LNX2: variants seen among roughly 807,000 people sequenced by gnomAD.
LNX2 encodes ligand of Numb protein X 2.
A neutral mutation model predicts 66.2 loss-of-function variants in LNX2; 35 were observed. That is an observed-to-expected ratio of 0.53 (90% confidence interval 0.40 to 0.70). The LOEUF is 0.70. LNX2 is among the 30% of genes least tolerant of loss of function. The pLI, the probability that LNX2 is intolerant of heterozygous loss-of-function variation, is 0.00. For missense variants in LNX2, 791 were observed against 850.8 expected (o/e 0.93, Z 0.87); for synonymous variants, 337 against 315.6 (o/e 1.07, Z -0.72).
At position 27,569,271 on chromosome 13, in the gene LNX2, G is replaced by C. The variant is rs376381168; in HGVS notation, c.413C>G (p.Pro138Arg). ...GGCAACTCTCCGATGAGAAGCTCCAGGACATCTAGAAAAAGAATATCAGAT... is the reference window on the plus strand; with the variant it reads ...GGCAACTCTCCGATGAGAAGCTCCACGACATCTAGAAAAAGAATATCAGAT... ...DLEAHLKNRCPGASHRRVALE... is the reference protein window; with the variant it reads ...DLEAHLKNRCRGASHRRVALE... Residue 138 changes from proline to arginine, a missense_variant, in exon 3 of 10, where the codon CCT (proline) becomes CGT (arginine). Transcript: ENST00000316334. 29 of 1,608,050 alleles carry C rather than the reference G, an allele frequency of 1.8e-5. No homozygotes were observed. The East Asian group carries it at 4.0e-4, about 22-fold the overall frequency.
At chr13:27,589,326 T>C (rs1298646821) in intron 1 of LNX2, among the ~76,000 whole-genome samples, 1 of 152,214 alleles carries the variant, frequency 6.6e-6, no homozygotes. Context: ...AACTACTGGC[T>C]ATAACTATAA....
intron 1 of LNX2, among the ~76,000 whole-genome samples, chr13:27,614,314 G>A (rs1385408152): frequency 6.6e-6 from 1 of 152,124 alleles, no homozygotes; most frequent in African/African-American, 2.4e-5. Flanking sequence ...CATCACTACT[G>A]GAGAAACTAA....
rs114196629 is a variant in LNX2, at chr13:27,567,341, A to G, written c.855+299T>C. Among the ~76,000 whole-genome samples, 908 of 152,188 alleles carry G rather than the reference A, an allele frequency of 6.0e-3. 3 individuals carry two copies. The highest frequency in any genetic ancestry group is 0.017 in the African/African-American group (709 of 41,534). On this transcript the variant is annotated intron_variant, in intron 4 of 9. Transcript: ENST00000316334. ...AAGGTGACCCTTGAACAGTCATTCA[A>G]GAAGTCCAAGCAGGAAGAGGCTAGT...
rs918636253 is a variant in LNX2 at position 27,581,374 on chromosome 13, T to C, written c.330A>G (p.Leu110=). ...SILVHKLLDK[L]LVLCPFSSVC... Reference sequence around the variant, plus strand: ...CTGAAGAAAATGGACATAAAACTAATAATTTGTCTAGGAGTTTATGAACTA... The same window carrying C: ...CTGAAGAAAATGGACATAAAACTAACAATTTGTCTAGGAGTTTATGAACTA... The change falls in exon 2 of 10, where the codon TTA becomes TTG. Residue 110 remains leucine (L), a synonymous_variant. Transcript: ENST00000316334. 9 of 1,581,014 alleles carry C rather than the reference T, an allele frequency of 5.7e-6. No homozygotes were observed. Among genetic ancestry groups the C allele is most frequent in the Admixed American group, 3.6e-5 (2 of 56,060 alleles).
intron 1 of LNX2, among the ~76,000 whole-genome samples, chr13:27,611,880 G>A (rs1955777785): frequency 6.6e-6 from 1 of 152,212 alleles, no homozygotes; most frequent in African/African-American, 2.4e-5. Flanking sequence ...TGGGGTCAAT[G>A]GAACTGTGTT....
At position 27,548,570 on chromosome 13, in the gene LNX2, C is replaced by T. The variant is rs150492420; in HGVS notation, c.1938-100G>A. On this transcript the variant is annotated intron_variant, in intron 9 of 9. Coordinates refer to ENST00000316334, the MANE Select transcript of LNX2 (RefSeq NM_153371.4). ...GCATGAAAAATGCGGTTTCACTTACCACTGAACTGTCAATGGTTAGGGTGT... is the reference window on the plus strand; with the variant it reads ...GCATGAAAAATGCGGTTTCACTTACTACTGAACTGTCAATGGTTAGGGTGT... The T allele has an allele frequency of 3.6e-5, 44 of 1,232,860 alleles. No individual in the cohort carries two copies. The African/African-American group carries it at 6.5e-4, about 18-fold the overall frequency. 76.4% of individuals were successfully genotyped at this position (1,232,860 alleles called of 1,614,324 possible). A position where few individuals can be genotyped will look rare whatever the true frequency, so the allele number is the denominator to read the frequency against.
chr13:27,555,828 G>A (rs1265940103), intron 7 of LNX2, among the ~76,000 whole-genome samples: 1 of 152,154 alleles, frequency 6.6e-6, no homozygotes, highest in Non-Finnish European at 1.5e-5. Flanking sequence ...ATATGAAATG[G>A]CAAATGCATT....
chr13:27,550,495 T>C lies in LNX2; in HGVS notation c.1779-4A>G, dbSNP rs750949997. On this transcript the variant is annotated splice_polypyrimidine_tract_variant and splice_region_variant and intron_variant, in intron 8 of 9. Coordinates refer to ENST00000316334, the MANE Select transcript of LNX2 (RefSeq NM_153371.4). Reference sequence around the variant, plus strand: ...ATCGTGGCAGCTATGAAGTGTGCTATAAACAAACAGAAAAATAAAGAAAAA... The same window carrying C: ...ATCGTGGCAGCTATGAAGTGTGCTACAAACAAACAGAAAAATAAAGAAAAA... The C allele has an allele frequency of 5.0e-6, 8 of 1,594,978 alleles. No homozygotes were observed. Among genetic ancestry groups the C allele is most frequent in the East Asian group, 4.5e-5 (2 of 44,716 alleles).
chr13:27,551,747 G>T (rs931065723), intron 8 of LNX2, among the ~76,000 whole-genome samples: 5 of 152,074 alleles, frequency 3.3e-5, no homozygotes, highest in Non-Finnish European at 7.4e-5. Flanking sequence ...GATAAGAAAG[G>T]CTTCTGGGAT....
At chr13:27,616,350 C>CTTCA in intron 1 of LNX2, among the ~76,000 whole-genome samples, 1 of 152,208 alleles carries the variant, frequency 6.6e-6, no homozygotes, top group South Asian at 2.1e-4. Flanking sequence ...CAGAGGAAGC[C>CTTCA]TTCAGGTAGT....
intron 6 of LNX2, among the ~76,000 whole-genome samples, chr13:27,559,230 C>T (rs1166597362): frequency 1.3e-5 from 2 of 152,022 alleles, no homozygotes; most frequent in African/African-American, 4.8e-5. Context: ...CAGTGAAATA[C>T]TGATTCTGAA....
chr13:27,602,754 T>G (rs1955672725), intron 1 of LNX2, among the ~76,000 whole-genome samples: 1 of 152,198 alleles, frequency 6.6e-6, no homozygotes. Flanking sequence ...CCACCATACC[T>G]TTCCCAAAGT....
intron 2 of LNX2, among the ~76,000 whole-genome samples, chr13:27,579,373 T>G (rs1449422199): frequency 6.6e-6 from 1 of 152,188 alleles, no homozygotes; most frequent in African/African-American, 2.4e-5. Flanking sequence ...CACCACCTTT[T>G]CCAATCATCC....
intron 4 of LNX2, 92 bp downstream of exon 4, chr13:27,567,538 TCTATATATAA>T (rs1955221430): frequency 1.2e-6 from 1 of 868,748 alleles, no homozygotes. Flanking sequence ...GTAAAACTAA[TCTATATATAA>T]TTTAGGTTCC....
chr13:27,586,099 A>G (rs1276892936), intron 1 of LNX2, among the ~76,000 whole-genome samples: 1 of 149,726 alleles, frequency 6.7e-6, no homozygotes, highest in Non-Finnish European at 1.5e-5. Flanking sequence ...TATAATATCT[A>G]AGTTCAGATA....
chr13:27,583,594 C>T (rs573739710), intron 1 of LNX2, among the ~76,000 whole-genome samples: 4 of 152,152 alleles, frequency 2.6e-5, no homozygotes, highest in South Asian at 2.1e-4. Flanking sequence ...TCCAGGGTAG[C>T]GCGAGCCTAG....
chr13:27,562,603 C>A lies in LNX2; in HGVS notation c.1034G>T (p.Arg345Leu), dbSNP rs201011254. ...EEIFQVALHK[R>L]DSGEQLGIKL... ...AATGCCAAGCTGTTCACCAGAGTCCCGTTTATGAAGAGCCACTTGGAAAAT... is the reference window on the plus strand; with the variant it reads ...AATGCCAAGCTGTTCACCAGAGTCCAGTTTATGAAGAGCCACTTGGAAAAT... Residue 345 changes from arginine (R) to leucine (L), a missense_variant, in exon 5 of 10, where the codon CGG (arginine) becomes CTG (leucine). Physicochemically the swap from Arg to Leu is moderately radical, Grantham distance 102 (BLOSUM62 -2). Coordinates refer to ENST00000316334, the MANE Select transcript of LNX2 (RefSeq NM_153371.4). 78 of 1,613,976 alleles carry A rather than the reference C, an allele frequency of 4.8e-5. No homozygotes were observed. The highest frequency in any genetic ancestry group is 6.0e-5 in the Non-Finnish European group (71 of 1,180,022).
At chr13:27,608,657 GA>G (rs1955742644) in intron 1 of LNX2, among the ~76,000 whole-genome samples, 1 of 152,034 alleles carries the variant, frequency 6.6e-6, no homozygotes, top group Non-Finnish European at 1.5e-5. Context: ...TAACCAAACA[GA>G]AAAACATTCT....
At chr13:27,573,418 C>T (rs2181775) in intron 2 of LNX2, among the ~76,000 whole-genome samples, 86,701 of 150,538 alleles carry the variant, frequency 0.58, 25,471 homozygotes, top group African/African-American at 0.69. Context: ...TTCCTTTTCA[C>T]TGGGGGCATT....
Sources: allele counts gnomAD v4.1 joint callset (sites outside exome capture counted in the v4.1 genomes callset), GRCh38; gene constraint gnomAD v4.1.1; transcripts MANE v1.5; gene names NCBI Gene and HGNC (gene_info 2026-07-23, HGNC 2026-07-21).